The following CADM2 variants were observed in gnomAD, a reference collection of about 807,000 sequenced individuals.
The protein encoded by CADM2 is immunoglobulin superfamily member 4D.
CADM2 carries 12 observed loss-of-function variants against 49.8 expected under a neutral mutation model. The ratio of observed to expected loss-of-function variants is 0.24; its 90% confidence interval spans 0.15 to 0.39. The LOEUF (loss-of-function observed/expected upper bound fraction) is 0.39, where lower values mean the gene tolerates loss of function less well. Among genes scored for constraint, CADM2 ranks in the 10% least tolerant of loss-of-function variants. The pLI, the probability that CADM2 is intolerant of heterozygous loss-of-function variation, is 1.00. For synonymous variants in CADM2, 214 were observed against 175.4 expected (o/e 1.22, Z -1.74); for missense variants, 378 against 492.3 (o/e 0.77, Z 2.20).
intron 1 of CADM2, among the ~76,000 whole-genome samples, chr3:85,341,987 G>A (rs1340738960): frequency 6.6e-6 from 1 of 152,028 alleles, no homozygotes; most frequent in Admixed American, 6.6e-5. Flanking sequence ...AAAAGCAATG[G>A]CAACAAAAGC....
chr3:85,833,175 C>T lies in CADM2; in HGVS notation c.238+30979C>T, dbSNP rs75922762. 8.8e-3 allele frequency among the ~76,000 whole-genome samples: 1,339 copies of T among 151,950 alleles called. 17 individuals carry two copies. Among genetic ancestry groups the T allele is most frequent in the African/African-American group, 0.031 (1,271 of 41,492 alleles). On this transcript the variant is annotated intron_variant, in intron 3 of 9. Transcript: ENST00000383699. ...ATCCCAGGAATAAAGCTTACTTAAT[C>T]GTGGCGAATTAGCTTTCTGATGTGC...
chr3:85,533,098 C>T (rs908656624), intron 1 of CADM2, among the ~76,000 whole-genome samples: 1 of 152,072 alleles, frequency 6.6e-6, no homozygotes, highest in African/African-American at 2.4e-5. Flanking sequence ...CAGTAAACCC[C>T]CATGACACAA....
chr3:86,012,663 T>C lies in CADM2; in HGVS notation c.970+51016T>C. On this transcript the variant is annotated intron_variant, in intron 8 of 9. Transcript: ENST00000383699. ...GACCCGGCCAGATGCCAGGAGTGGG[T>C]GGAGAATTGTAGGAGAGCTGACTTA... 1.4e-6 allele frequency: 2 copies of C among 1,419,536 alleles called. 1 individual carries two copies. Among genetic ancestry groups the C allele is most frequent in the South Asian group, 2.4e-5 (2 of 84,692 alleles). The allele number at this position is 1,419,536 out of a possible 1,614,324, so 87.9% of individuals were successfully genotyped here.
chr3:85,295,848 A>C (rs2043948359), intron 1 of CADM2, among the ~76,000 whole-genome samples: 2 of 152,012 alleles, frequency 1.3e-5, no homozygotes, highest in Admixed American at 1.3e-4. Flanking sequence ...TAGTGGGTGC[A>C]ACACACCAGC....
rs1045907470 is a variant in CADM2 at position 85,969,967 on chromosome 3, G to A, written c.970+8320G>A. 7.3e-5 allele frequency among the ~76,000 whole-genome samples: 6 copies of A among 82,472 alleles called. No individual in the cohort carries two copies. The East Asian group carries it at 2.1e-3, about 28-fold the overall frequency. 54.1% of individuals were successfully genotyped at this position (82,472 alleles called of 152,430 possible). A position where few individuals can be genotyped will look rare whatever the true frequency, so the allele number is the denominator to read the frequency against. ...CAGGGGTGTGTTTGTGTGTGTGTGTGTGAGTGTATATATATATATACACTC... is the reference window on the plus strand; with the variant it reads ...CAGGGGTGTGTTTGTGTGTGTGTGTATGAGTGTATATATATATATACACTC... On this transcript the variant is annotated intron_variant, in intron 8 of 9. Coordinates refer to ENST00000383699, the MANE Select transcript of CADM2 (RefSeq NM_001167675.2).
chr3:85,812,290 AT>A (rs1341322622), intron 3 of CADM2, among the ~76,000 whole-genome samples: 1 of 152,128 alleles, frequency 6.6e-6, no homozygotes, highest in Non-Finnish European at 1.5e-5. Flanking sequence ...TAGAAAAAAA[AT>A]AATTCGACTT....
intron 1 of CADM2, among the ~76,000 whole-genome samples, chr3:85,601,130 G>GTGTGTGTGTGTGTATATA (rs1328015269): frequency 9.1e-6 from 1 of 109,650 alleles, no homozygotes; most frequent in African/African-American, 4.0e-5. Context: ...ATATATGTGT[G>GTGTGTGTGTGTGTATATA]TATATATATA....
At chr3:85,562,351 G>A (rs758057177) in intron 1 of CADM2, among the ~76,000 whole-genome samples, 2 of 151,720 alleles carry the variant, frequency 1.3e-5, no homozygotes, top group Non-Finnish European at 2.9e-5. Context: ...GGTGGTGCAC[G>A]CCTGAAATCC....
intron 1 of CADM2, among the ~76,000 whole-genome samples, chr3:84,971,952 T>C (rs2031475528): frequency 6.6e-6 from 1 of 151,878 alleles, no homozygotes; most frequent in Non-Finnish European, 1.5e-5. Context: ...CGTGTGGAAG[T>C]GGTAGTGAGA....
chr3:85,814,912 A>T (rs935743158), intron 3 of CADM2, among the ~76,000 whole-genome samples: 1 of 152,088 alleles, frequency 6.6e-6, no homozygotes, highest in African/African-American at 2.4e-5. Flanking sequence ...GGTATATAGA[A>T]TATTCTATAG....
intron 1 of CADM2, among the ~76,000 whole-genome samples, chr3:84,987,003 G>A (rs1029048804): frequency 6.6e-6 from 1 of 151,770 alleles, no homozygotes; most frequent in East Asian, 2.0e-4. Flanking sequence ...GGTGAGCCGA[G>A]ATCGCATCAT....
At chr3:85,027,236 T>A (rs937619823) in intron 1 of CADM2, among the ~76,000 whole-genome samples, 1 of 147,270 alleles carries the variant, frequency 6.8e-6, no homozygotes, top group Non-Finnish European at 1.5e-5. Context: ...TGCCTCAGCC[T>A]CCTGAGTAGT....
rs542892729 is a variant in CADM2, at chr3:85,050,457, CTTA to C, written c.61+90794_61+90796del. 2.0e-5 allele frequency among the ~76,000 whole-genome samples: 3 copies of C among 152,058 alleles called. No individual in the cohort carries two copies. In the South Asian group the frequency reaches 6.2e-4, roughly 32 times the overall value. On this transcript the variant is annotated intron_variant, in intron 1 of 9. Transcript: ENST00000383699. The stretch of plus-strand genomic sequence containing the variant: ...AATGCAGCTAAAGATTTTTCCATGA[CTTA>C]TTATAATGAATCAGCAATCATTTGC...
intron 1 of CADM2, among the ~76,000 whole-genome samples, chr3:85,490,634 C>T (rs1383178720): frequency 6.6e-6 from 1 of 151,942 alleles, no homozygotes; most frequent in Non-Finnish European, 1.5e-5. Flanking sequence ...TCAATTAATT[C>T]CAGTACTGCT....
Position 85,469,603 on chromosome 3 carries a change from TTTAAG to T in CADM2, c.62-256913_62-256909del, listed in dbSNP as rs1396168695. Among the ~76,000 whole-genome samples the T allele has an allele frequency of 9.2e-5, 14 of 152,260 alleles. No individual in the cohort carries two copies. In the East Asian group the frequency reaches 2.7e-3, roughly 29 times the overall value. On this transcript the variant is annotated intron_variant, in intron 1 of 9. Transcript: ENST00000383699. Reference sequence around the variant, plus strand: ...GCAAGAGAAAGGGGGAGAAATACAATTTAAGTTAAGAAAATAGTCAAAACCTATCA... The same window carrying T: ...GCAAGAGAAAGGGGGAGAAATACAATTTAAGAAAATAGTCAAAACCTATCA...
rs112426144 is a variant in CADM2, at chr3:85,723,451, A to G, written c.62-3071A>G. Among the ~76,000 whole-genome samples, 1,411 of 152,272 alleles carry G rather than the reference A, an allele frequency of 9.3e-3. 29 individuals are homozygous for G. Among genetic ancestry groups the G allele is most frequent in the African/African-American group, 0.033 (1,359 of 41,566 alleles). ...ATGGAAAATCTTACAAGTATTGAAC[A>G]TGACATTCATGACAGTATTCCTGTC... On this transcript the variant is annotated intron_variant, in intron 1 of 9. Transcript: ENST00000383699.
At chr3:85,759,714 C>G (rs1313545426) in intron 2 of CADM2, among the ~76,000 whole-genome samples, 2 of 152,062 alleles carry the variant, frequency 1.3e-5, no homozygotes, top group Non-Finnish European at 1.5e-5. Context: ...AGTCTTTATT[C>G]TGGAAGTCAC....
At chr3:85,782,016 T>A (rs770979309) in intron 2 of CADM2, among the ~76,000 whole-genome samples, 7 of 152,214 alleles carry the variant, frequency 4.6e-5, no homozygotes, top group Non-Finnish European at 8.8e-5. Flanking sequence ...GACATGCCCT[T>A]TCCAAAGTAA....
intron 5 of CADM2, among the ~76,000 whole-genome samples, chr3:85,897,599 A>G (rs1054645382): frequency 6.6e-6 from 1 of 152,154 alleles, no homozygotes; most frequent in Non-Finnish European, 1.5e-5. Flanking sequence ...GTCTCTGGCC[A>G]TATAACTCGA....
Sources: allele counts gnomAD v4.1 joint callset (sites outside exome capture counted in the v4.1 genomes callset), GRCh38; gene constraint gnomAD v4.1.1; transcripts MANE v1.5; gene names NCBI Gene and HGNC (gene_info 2026-07-23, HGNC 2026-07-21).